FRMD4B: variants seen among roughly 807,000 people sequenced by gnomAD.
The protein encoded by FRMD4B is FERM domain containing 4B.
Under a neutral mutation model 141.5 loss-of-function variants are expected in FRMD4B, and 74 were observed. The observed-to-expected ratio is 0.52, with a 90% CI of 0.43 to 0.63. The LOEUF (loss-of-function observed/expected upper bound fraction) is 0.63. FRMD4B is among the 30% of genes least tolerant of loss of function. The pLI is 0.00. For missense variants in FRMD4B, 1,366 were observed against 1,253.4 expected (o/e 1.09, Z -1.36); for synonymous variants, 506 against 467.9 (o/e 1.08, Z -1.05).
At chr3:69,508,266 A>C (rs1016587870) in intron 1 of FRMD4B, among the ~76,000 whole-genome samples, 2 of 152,252 alleles carry the variant, frequency 1.3e-5, no homozygotes, top group Non-Finnish European at 2.9e-5. Flanking sequence ...AAACGAGGTT[A>C]ATATCTAGTT....
intron 5 of FRMD4B, among the ~76,000 whole-genome samples, chr3:69,281,609 A>G (rs548276881): frequency 1.3e-5 from 2 of 152,062 alleles, no homozygotes; most frequent in East Asian, 3.9e-4. Flanking sequence ...GTGGATCACC[A>G]GGTCAGGAGT....
At chr3:69,330,144 C>G (rs1240794020) in intron 1 of FRMD4B, among the ~76,000 whole-genome samples, 1 of 151,896 alleles carries the variant, frequency 6.6e-6, no homozygotes, top group Non-Finnish European at 1.5e-5. Flanking sequence ...TTAGCTCATC[C>G]TGGGGCTCGA....
At chr3:69,401,313 A>G (rs948827290) in intron 2 of FRMD4B, among the ~76,000 whole-genome samples, 10 of 152,226 alleles carry the variant, frequency 6.6e-5, no homozygotes, top group Admixed American at 4.6e-4. Flanking sequence ...CACGGGACAG[A>G]GGAGGGATAT....
In FRMD4B at chr3:69,171,424, T is replaced by C. The variant is rs1321960160; in HGVS notation, c.*437A>G. On this transcript the variant is annotated 3_prime_UTR_variant, in exon 23 of 23. Coordinates refer to ENST00000398540, the MANE Select transcript of FRMD4B (RefSeq NM_015123.3). ...CGAATTCAAACTCTGAAGTGAGCAA[T>C]GACTCCGGAGCTTCTGGTTCCCCTT... The C allele has an allele frequency of 1.3e-5, 2 of 156,168 alleles. No individual in the cohort carries two copies. The highest frequency in any genetic ancestry group is 4.8e-5 in the African/African-American group (2 of 41,480). The allele number at this position is 156,168 out of a possible 1,614,324, so 9.7% of individuals were successfully genotyped here. A position where few individuals can be genotyped will look rare whatever the true frequency, so the allele number is the denominator to read the frequency against.
chr3:69,334,468 TAC>T (rs1491304725), intron 1 of FRMD4B: 2 of 83,628 alleles, frequency 2.4e-5, no homozygotes, highest in African/African-American at 8.4e-5. Flanking sequence ...ACCTTATCTC[TAC>T]AAAAAAAAAA....
chr3:69,426,793 A>G (rs1269954279), intron 2 of FRMD4B, among the ~76,000 whole-genome samples: 1 of 152,148 alleles, frequency 6.6e-6, no homozygotes, highest in Non-Finnish European at 1.5e-5. Context: ...GTAATAAGAT[A>G]AGCCCACAGA....
chr3:69,216,093 G>A (rs1459372593), intron 11 of FRMD4B, among the ~76,000 whole-genome samples, 170 bp downstream of exon 11: 13 of 151,546 alleles, frequency 8.6e-5, no homozygotes. Flanking sequence ...GGTGGAGGTT[G>A]CAGTGAGCCA....
intron 5 of FRMD4B, among the ~76,000 whole-genome samples, chr3:69,270,138 A>G (rs1337733491): frequency 6.6e-6 from 1 of 152,024 alleles, no homozygotes; most frequent in Non-Finnish European, 1.5e-5. Context: ...GCCTTGGCCT[A>G]CGGCGTAGCC....
chr3:69,184,370 A>T (rs1687189983), intron 19 of FRMD4B, among the ~76,000 whole-genome samples: 1 of 152,258 alleles, frequency 6.6e-6, no homozygotes, highest in African/African-American at 2.4e-5. Context: ...CTCACTTTTT[A>T]AAAAGTTAAG....
At chr3:69,461,643 A>G (rs1235381646) in intron 1 of FRMD4B, among the ~76,000 whole-genome samples, 1 of 150,994 alleles carries the variant, frequency 6.6e-6, no homozygotes, top group South Asian at 2.1e-4. Flanking sequence ...AAAAAAAAAA[A>G]AAAAAGAAAC....
intron 5 of FRMD4B, 124 bp downstream of exon 5, chr3:69,287,628 T>G (rs2107067760): frequency 1.5e-6 from 1 of 660,576 alleles, no homozygotes; most frequent in East Asian, 2.7e-5. Context: ...GACATATTCA[T>G]GGAAAAGATT....
intron 1 of FRMD4B, among the ~76,000 whole-genome samples, chr3:69,478,592 T>C (rs1278658456): frequency 1.3e-5 from 2 of 152,204 alleles, no homozygotes; most frequent in Non-Finnish European, 2.9e-5. Context: ...ATTTCTGTTC[T>C]TTCACATTTG....
At chr3:69,230,532 G>T (rs901988978) in intron 7 of FRMD4B, among the ~76,000 whole-genome samples, 1 of 151,870 alleles carries the variant, frequency 6.6e-6, no homozygotes, top group African/African-American at 2.4e-5. Flanking sequence ...GATCACCTGA[G>T]GTCAGGAGTT....
At chr3:69,441,679 C>A (rs1346163200) in intron 1 of FRMD4B, among the ~76,000 whole-genome samples, 2 of 152,312 alleles carry the variant, frequency 1.3e-5, no homozygotes, top group South Asian at 2.1e-4. Context: ...CACATGGCAG[C>A]TGTTCAGTGA....
rs191741636 is a variant in FRMD4B, at chr3:69,408,040, T to C, written c.-1+24594A>G. ...CTCAATTGTAGCTACTTAACTCTGC[T>C]GTTGCAGTGGGAAAGCAGCCGAGAC... On this transcript the variant is annotated intron_variant, in intron 2 of 5. Transcript: ENST00000459638. 4.4e-3 allele frequency among the ~76,000 whole-genome samples: 673 copies of C among 152,284 alleles called. 4 individuals carry two copies. Among genetic ancestry groups the C allele is most frequent in the Admixed American group, 9.3e-3 (142 of 15,282 alleles).
intron 2 of FRMD4B, among the ~76,000 whole-genome samples, chr3:69,420,302 A>C (rs1704951583): frequency 6.6e-6 from 1 of 151,780 alleles, no homozygotes; most frequent in Admixed American, 6.6e-5. Context: ...AAAAAAAAAA[A>C]AAACAACCAA....
At chr3:69,269,991 T>A (rs915225279) in intron 5 of FRMD4B, among the ~76,000 whole-genome samples, 1 of 151,970 alleles carries the variant, frequency 6.6e-6, no homozygotes, top group Non-Finnish European at 1.5e-5. Flanking sequence ...GAAATGGATA[T>A]CTTTATCTAT....
chr3:69,500,163 C>G (rs1456358158), intron 1 of FRMD4B, among the ~76,000 whole-genome samples: 2 of 152,158 alleles, frequency 1.3e-5, no homozygotes, highest in Non-Finnish European at 2.9e-5. Context: ...GTGGTTTGGA[C>G]AGAGAGCAGG....
intron 1 of FRMD4B, among the ~76,000 whole-genome samples, chr3:69,330,896 C>T (rs1463897114): frequency 6.6e-6 from 1 of 152,182 alleles, no homozygotes; most frequent in Non-Finnish European, 1.5e-5. Context: ...CTTAAAGCAC[C>T]GGTGGAAGAT....
Sources: gnomAD v4.1 joint callset for allele counts (sites outside exome capture counted in the v4.1 genomes callset) on GRCh38, gnomAD v4.1.1 for gene constraint, MANE v1.5 for transcripts, NCBI Gene and HGNC (gene_info 2026-07-23, HGNC 2026-07-21) for gene names.